The following TTC31 variants were observed in gnomAD, a reference collection of about 807,000 sequenced individuals.
The protein encoded by TTC31 is tetratricopeptide repeat protein 31.
In TTC31, 59 loss-of-function variants were observed where a neutral mutation model predicts 60.4. That is an observed-to-expected ratio of 0.98 (90% confidence interval 0.79 to 1.21). TTC31 has a LOEUF of 1.21. TTC31 is among the 50% of genes most tolerant of loss of function. TTC31 has a pLI of 0.00. For missense variants in TTC31, 672 were observed against 646.9 expected (o/e 1.04, Z -0.42); for synonymous variants, 225 against 249.6 (o/e 0.90, Z 0.93).
chr2:74,489,631 T>A (rs1673571927), intron 2 of TTC31, among the ~76,000 whole-genome samples: 1 of 152,070 alleles, frequency 6.6e-6, no homozygotes, highest in Non-Finnish European at 1.5e-5. Flanking sequence ...AGGTGTGAGC[T>A]AGCCTCAGGG....
chr2:74,493,027 C>T lies in TTC31; in HGVS notation c.1369C>T (p.Pro457Ser). Reference protein sequence around the residue: ...APSGLPSLRCPRSTALRSPGL... With the variant: ...APSGLPSLRCSRSTALRSPGL... The stretch of plus-strand genomic sequence containing the variant: ...CTCAGGCCTACCTTCCCTCAGGTGC[C>T]CTCGAAGCACTGCTTTGAGGTCCCC... Residue 457 changes from proline (P) to serine (S), a missense_variant, in exon 13 of 13, where the codon CCT becomes TCT. By Grantham distance (74) the Pro-to-Ser change is moderately conservative. Coordinates refer to ENST00000233623, the MANE Select transcript of TTC31 (RefSeq NM_022492.6). The T allele has an allele frequency of 6.2e-7, 1 of 1,614,182 alleles. No individual in the cohort carries two copies. Among genetic ancestry groups the T allele is most frequent in the Non-Finnish European group, 8.5e-7 (1 of 1,180,032 alleles).
chr2:74,492,676 G>C lies in TTC31; in HGVS notation c.1192G>C (p.Glu398Gln). 1 of 1,614,156 alleles carries C rather than the reference G, an allele frequency of 6.2e-7. No homozygotes were observed. Among genetic ancestry groups the C allele is most frequent in the Non-Finnish European group, 8.5e-7 (1 of 1,180,026 alleles). ...CAGAGAGGCAGCTGCTGTGTTTCAG[G>C]AAACTCTGAGAGGTGGGTCCCAGCC... ...RFREAAAVFQ[E>Q]TLRGGSQPDA... The change falls in exon 12 of 13, where the codon GAA (glutamate) becomes CAA (glutamine). Residue 398 changes from glutamate to glutamine, a missense_variant. By Grantham distance (29) the Glu-to-Gln change is conservative. Coordinates refer to ENST00000233623, the MANE Select transcript of TTC31 (RefSeq NM_022492.6).
intron 2 of TTC31, 21 bp from the exon 3 acceptor site, chr2:74,490,004 T>C: frequency 1.6e-4 from 103 of 635,362 alleles, no homozygotes; most frequent in Non-Finnish European, 2.4e-4. Flanking sequence ...CAGCCTCCCC[T>C]CCCCTCCCCT....
Position 74,483,123 on chromosome 2 carries a change from C to T in TTC31, c.28C>T (p.Arg10Trp), listed in dbSNP as rs776609740. 3 of 1,614,052 alleles carry T rather than the reference C, an allele frequency of 1.9e-6. No individual in the cohort carries two copies. The African/African-American group carries it at 4.0e-5, about 22-fold the overall frequency. MAPIPKTVG[R>W]IKLDCSLRPS... Reference sequence around the variant, plus strand: ...GGCGCCGATTCCAAAGACTGTGGGGCGGATCAAGCTAGGTGAGCGGTATGA... The same window carrying T: ...GGCGCCGATTCCAAAGACTGTGGGGTGGATCAAGCTAGGTGAGCGGTATGA... The change falls in exon 1 of 13, where the codon CGG becomes TGG. Residue 10 changes from arginine (R) to tryptophan (W), a missense_variant. By Grantham distance (101) the Arg-to-Trp change is moderately radical (BLOSUM62 -3). Transcript: ENST00000233623.
At chr2:74,486,149 C>T (rs1349490931) in intron 2 of TTC31, among the ~76,000 whole-genome samples, 1 of 151,792 alleles carries the variant, frequency 6.6e-6, no homozygotes, top group Non-Finnish European at 1.5e-5. Context: ...GCCTATAGTC[C>T]CAGCTACTTG....
At chr2:74,484,742 C>G (rs1334914337) in intron 2 of TTC31, among the ~76,000 whole-genome samples, 1 of 152,080 alleles carries the variant, frequency 6.6e-6, no homozygotes, top group Non-Finnish European at 1.5e-5. Context: ...CAGGTGTGAG[C>G]CACCATGCCC....
Position 74,490,027 on chromosome 2 carries a change from CAT to C in TTC31, c.134_135del (p.Ile45SerfsTer11). The C allele has an allele frequency of 6.4e-7, 1 of 1,552,164 alleles. No individual in the cohort carries two copies. On this transcript the variant is annotated frameshift_variant, in exon 3 of 13. Coordinates refer to ENST00000233623, the MANE Select transcript of TTC31 (RefSeq NM_022492.6). LOFTEE classifies it high-confidence loss of function. ...CCTCCCCTCCCCTCCCCTCCCAGGA[CAT>C]AGTGGATTTTCTTCGACGGCTTGTG... is the stretch of plus-strand genomic sequence containing the variant. Reference protein sequence around the residue: ...FGPEDYGEEDIVDFLRRLVES... With the variant: ...FGPEDYGEEDXVDFLRRLVES...
Position 74,489,550 on chromosome 2 carries a change from T to G in TTC31, c.130-475T>G, listed in dbSNP as rs531904206. Among the ~76,000 whole-genome samples the G allele has an allele frequency of 2.0e-5, 3 of 152,268 alleles. No individual in the cohort carries two copies. The South Asian group carries it at 6.2e-4, about 32-fold the overall frequency. On this transcript the variant is annotated intron_variant, in intron 2 of 12. Coordinates refer to ENST00000233623, the MANE Select transcript of TTC31 (RefSeq NM_022492.6). ...GTCCCTGAGTAGGGAAGTAATTTCT[T>G]AGAGCTTAGTTTTGTGGAGAAACAG...
intron 9 of TTC31, 33 bp downstream of exon 9, chr2:74,492,088 C>A: frequency 6.2e-7 from 1 of 1,612,968 alleles, no homozygotes; most frequent in Non-Finnish European, 8.5e-7. Flanking sequence ...CCTCACCCCA[C>A]CCTCCCTGGG....
intron 2 of TTC31, 125 bp downstream of exon 2, chr2:74,483,535 G>A: frequency 6.5e-7 from 1 of 1,547,466 alleles, no homozygotes; most frequent in South Asian, 1.2e-5. Context: ...GGGAGTTGTA[G>A]TCTCCGGCCA....
chr2:74,483,275 C>T (rs775299088), intron 1 of TTC31, 47 bp from the exon 2 acceptor site: 194 of 1,613,162 alleles, frequency 1.2e-4, no homozygotes, highest in Non-Finnish European at 1.6e-4. Flanking sequence ...GACTCTAGCC[C>T]ATCTGTCCCG....
At position 74,493,146 on chromosome 2, in the gene TTC31, C is replaced by T; in HGVS notation, c.1488C>T (p.Leu496=). ...CTCAGAGTAGAAGGCCCCATCCTCT[C>T]AAGCCCCAGGACCCTTCAAAGGGCT... The part of the protein sequence containing the change: ...SQTQSRRPHP[L]KPQDPSKGWD... The change falls in exon 13 of 13, where the codon CTC becomes CTT. Residue 496 remains leucine, a synonymous_variant. Coordinates refer to ENST00000233623, the MANE Select transcript of TTC31 (RefSeq NM_022492.6). 3.1e-6 allele frequency: 5 copies of T among 1,614,210 alleles called. No homozygotes were observed. Among genetic ancestry groups the T allele is most frequent in the Non-Finnish European group, 4.2e-6 (5 of 1,180,020 alleles).
At chr2:74,484,953 A>G (rs188750879) in intron 2 of TTC31, among the ~76,000 whole-genome samples, 1 of 151,884 alleles carries the variant, frequency 6.6e-6, no homozygotes, top group Non-Finnish European at 1.5e-5. Flanking sequence ...TAGTTGTTTA[A>G]TCTGGAAATC....
Position 74,491,511 on chromosome 2 carries a change from T to G in TTC31, c.715T>G (p.Ser239Ala). The G allele has an allele frequency of 6.2e-7, 1 of 1,613,384 alleles. No individual in the cohort carries two copies. Among genetic ancestry groups the G allele is most frequent in the Non-Finnish European group, 8.5e-7 (1 of 1,179,734 alleles). The change falls in exon 8 of 13, where the codon TCT becomes GCT. Residue 239 changes from serine to alanine, a missense_variant. Transcript: ENST00000233623. ...ACTGGATCTATCTAGCACTTTTGTGTCTCTGGCTTTGCGCAAGGTTGGGGA... is the reference window on the plus strand; with the variant it reads ...ACTGGATCTATCTAGCACTTTTGTGGCTCTGGCTTTGCGCAAGGTTGGGGA... Reference protein sequence around the residue: ...DSLDLSSTFVSLALRKVGDWP... With the variant: ...DSLDLSSTFVALALRKVGDWP...
chr2:74,483,684 G>C, intron 2 of TTC31: 17 of 1,216,984 alleles, frequency 1.4e-5, no homozygotes, highest in Non-Finnish European at 1.7e-5. Flanking sequence ...AGTTCCTTGG[G>C]AAAAGATGGA....
Position 74,483,237 on chromosome 2 carries a change from G to A in TTC31, c.41-85G>A, listed in dbSNP as rs1479247263. ...GTTTCGAGTAGGATTTTATGCAGAG[G>A]GCGGAGAGTCGAGGGTAGAGTGGGG... On this transcript the variant is annotated intron_variant, in intron 1 of 12. Coordinates refer to ENST00000233623, the MANE Select transcript of TTC31 (RefSeq NM_022492.6). 4.3e-6 allele frequency: 7 copies of A among 1,613,182 alleles called. No homozygotes were observed. The East Asian group carries it at 1.1e-4, about 26-fold the overall frequency.
Position 74,493,978 on chromosome 2 carries a change from G to T in TTC31, c.*760G>T, listed in dbSNP as rs1674218278. Reference sequence around the variant, plus strand: ...TTTCTCCACCCCAGCACTGGGCATGGTAATTAGCCTTTCCCCATGTTAATT... The same window carrying T: ...TTTCTCCACCCCAGCACTGGGCATGTTAATTAGCCTTTCCCCATGTTAATT... On this transcript the variant is annotated 3_prime_UTR_variant, in exon 13 of 13. Coordinates refer to ENST00000233623, the MANE Select transcript of TTC31 (RefSeq NM_022492.6). 2 of 152,206 alleles carry T rather than the reference G, an allele frequency of 1.3e-5. No individual in the cohort carries two copies. The highest frequency in any genetic ancestry group is 4.8e-5 in the African/African-American group (2 of 41,434). The allele number at this position is 152,206 out of a possible 1,614,324, so 9.4% of individuals were successfully genotyped here.
chr2:74,486,545 A>C (rs1373359851), intron 2 of TTC31, among the ~76,000 whole-genome samples: 1 of 152,194 alleles, frequency 6.6e-6, no homozygotes, highest in Non-Finnish European at 1.5e-5. Flanking sequence ...ACAAAGAAAA[A>C]GCAAGAAGGA....
chr2:74,491,791 G>A (rs1052107571), intron 8 of TTC31, 119 bp downstream of exon 8: 1 of 1,426,108 alleles, frequency 7.0e-7, no homozygotes, highest in Non-Finnish European at 9.6e-7. Context: ...TGGCTCTAGG[G>A]TCAAGAGACC....
Sources: allele counts gnomAD v4.1 joint callset (sites outside exome capture counted in the v4.1 genomes callset), GRCh38; gene constraint gnomAD v4.1.1; transcripts MANE v1.5; gene names NCBI Gene and HGNC (gene_info 2026-07-23, HGNC 2026-07-21).